The following TEX11 variants were observed in gnomAD, a reference collection of about 807,000 sequenced individuals.
The protein encoded by TEX11 is testis expressed 11.
A neutral mutation model predicts 84.4 loss-of-function variants in TEX11; 7 were observed. That is an observed-to-expected ratio of 0.08 (90% CI 0.05 to 0.16). TEX11 has a LOEUF of 0.16. Ranked by LOEUF, TEX11 falls within the 10% of genes least tolerant of loss-of-function variation. The pLI is 1.00. For synonymous variants in TEX11, 264 were observed against 222.8 expected (o/e 1.18, Z -1.64); for missense variants, 551 against 660.5 (o/e 0.83, Z 1.82).
intron 25 of TEX11, among the ~76,000 whole-genome samples, chrX:70,581,148 TG>T (rs1310397404): frequency 9.1e-6 from 1 of 109,466 alleles, no homozygotes; most frequent in Non-Finnish European, 1.9e-5. Flanking sequence ...AGTATAAGCA[TG>T]TGCCACTATT....
At chrX:70,759,692 GA>G (rs2090894957) in intron 9 of TEX11, among the ~76,000 whole-genome samples, 1 of 111,473 alleles carries the variant, frequency 9.0e-6, no homozygotes, top group South Asian at 3.8e-4. Context: ...CATTCCCTTT[GA>G]AAACCGGCAC....
At chrX:70,890,456 G>C (rs1313224581) in intron 2 of TEX11, among the ~76,000 whole-genome samples, 1 of 112,131 alleles carries the variant, frequency 8.9e-6, no homozygotes, top group Non-Finnish European at 1.9e-5. Flanking sequence ...CTAGCCAAGG[G>C]AAGCCATGAC....
intron 14 of TEX11, among the ~76,000 whole-genome samples, chrX:70,679,227 T>C (rs1252813880): frequency 8.9e-6 from 1 of 112,347 alleles, no homozygotes; most frequent in Non-Finnish European, 1.9e-5. Context: ...AGACGGAGTC[T>C]CATTCACTCC....
At position 70,794,282 on chromosome X, in the gene TEX11, C is replaced by T. The variant is rs4844264; in HGVS notation, c.692+12423G>A. On this transcript the variant is annotated intron_variant, in intron 9 of 29. Coordinates refer to ENST00000374333, the MANE Select transcript of TEX11 (RefSeq NM_031276.3). ...AAAACACTAGGCACAAATCAGTTGA[C>T]GTCAATGGAGAGCACATTTAGACCA... 7.8e-3 allele frequency among the ~76,000 whole-genome samples: 870 copies of T among 111,856 alleles called. 25 individuals carry two copies. The highest frequency in any genetic ancestry group is 0.078 in the Admixed American group (817 of 10,537).
chrX:70,737,482 A>C (rs944529335), intron 11 of TEX11, among the ~76,000 whole-genome samples: 5 of 110,964 alleles, frequency 4.5e-5, no homozygotes, highest in Non-Finnish European at 5.7e-5. Context: ...CCAAAAAATC[A>C]CAAAGAGCCC....
intron 8 of TEX11, among the ~76,000 whole-genome samples, chrX:70,808,107 C>CAAAAAAAAAAAAA (rs549201546): frequency 4.6e-4 from 15 of 32,610 alleles, no homozygotes; most frequent in East Asian, 1.0e-3. Flanking sequence ...GACTCTGTCT[C>CAAAAAAAAAAAAA]AAAAAAAAAA....
At chrX:70,831,595 C>T (rs2091377076) in intron 8 of TEX11, among the ~76,000 whole-genome samples, 1 of 111,391 alleles carries the variant, frequency 9.0e-6, no homozygotes, top group Non-Finnish European at 1.9e-5. Flanking sequence ...TGCCACTGCA[C>T]TCCAGCCTGG....
chrX:70,669,039 A>G (rs2090000696), intron 16 of TEX11, among the ~76,000 whole-genome samples: 1 of 112,118 alleles, frequency 8.9e-6, no homozygotes, highest in Admixed American at 9.5e-5. Flanking sequence ...ACTATTTCCA[A>G]CATTTAGATT....
chrX:70,774,187 C>T (rs1388387788), intron 9 of TEX11, among the ~76,000 whole-genome samples: 1 of 107,481 alleles, frequency 9.3e-6, no homozygotes, highest in Non-Finnish European at 1.9e-5. Flanking sequence ...CACCAGGGCT[C>T]GGGTGGGAGT....
At chrX:70,714,979 G>A (rs2090482537) in intron 13 of TEX11, among the ~76,000 whole-genome samples, 4 of 111,287 alleles carry the variant, frequency 3.6e-5, no homozygotes, top group Non-Finnish European at 5.6e-5. Flanking sequence ...CTCTTTTAGG[G>A]CAGGCCTGGT....
chrX:70,655,507 G>A (rs779021070), intron 16 of TEX11, among the ~76,000 whole-genome samples: 2 of 111,620 alleles, frequency 1.8e-5, no homozygotes, highest in African/African-American at 3.2e-5. Flanking sequence ...TTCACCTTAC[G>A]ATATTTTCAA....
At chrX:70,547,612 A>G (rs2147941854) in intron 28 of TEX11, among the ~76,000 whole-genome samples, 1 of 112,158 alleles carries the variant, frequency 8.9e-6, no homozygotes, top group South Asian at 3.7e-4. Flanking sequence ...GGCAAAGGAT[A>G]TGAACAGACA....
intron 19 of TEX11, 45 bp downstream of exon 19, chrX:70,624,794 A>G (rs763780163): frequency 9.6e-7 from 1 of 1,036,877 alleles, no homozygotes; most frequent in Non-Finnish European, 1.3e-6. Context: ...AGAGCAAGAT[A>G]AGCAGAGGAA....
At chrX:70,888,467 T>C (rs1462093958) in intron 2 of TEX11, among the ~76,000 whole-genome samples, 1 of 111,998 alleles carries the variant, frequency 8.9e-6, no homozygotes, top group African/African-American at 3.2e-5. Flanking sequence ...AATAGCAAAA[T>C]TGATCAAGCA....
intron 9 of TEX11, among the ~76,000 whole-genome samples, chrX:70,805,468 T>C (rs2091213674): frequency 9.2e-6 from 1 of 108,642 alleles, no homozygotes; most frequent in Non-Finnish European, 1.9e-5. Context: ...CGGTGCGATA[T>C]CGGCTCACTG....
intron 9 of TEX11, among the ~76,000 whole-genome samples, chrX:70,766,426 A>G (rs1270958692): frequency 3.6e-5 from 4 of 110,147 alleles, no homozygotes; most frequent in Non-Finnish European, 7.6e-5. Context: ...AAAGAAAAAA[A>G]AAAGAAAGAA....
chrX:70,549,664 C>A (rs776727146), intron 28 of TEX11, among the ~76,000 whole-genome samples: 1 of 111,638 alleles, frequency 9.0e-6, no homozygotes, highest in Admixed American at 9.4e-5. Flanking sequence ...GTGGTGGCCA[C>A]GGGGAGAGAC....
chrX:70,820,317 A>G (rs997855502), intron 8 of TEX11, among the ~76,000 whole-genome samples: 8 of 112,160 alleles, frequency 7.1e-5, no homozygotes, highest in African/African-American at 2.6e-4. Context: ...ACAATGAAGA[A>G]AAGACAGTCT....
chrX:70,680,056 C>T (rs1202531773), intron 14 of TEX11, among the ~76,000 whole-genome samples: 1 of 47,424 alleles, frequency 2.1e-5, no homozygotes, highest in Non-Finnish European at 4.3e-5. Flanking sequence ...CCCCTCTGCC[C>T]GGCCACCACC....
Sources: allele counts gnomAD v4.1 joint callset (sites outside exome capture counted in the v4.1 genomes callset), GRCh38; gene constraint gnomAD v4.1.1; transcripts MANE v1.5; gene names NCBI Gene and HGNC (gene_info 2026-07-23, HGNC 2026-07-21).